The following RNF2 variants were observed in gnomAD, a reference collection of about 807,000 sequenced individuals.
RNF2 encodes ring finger protein 2.
A neutral mutation model predicts 37.2 loss-of-function variants in RNF2; 6 were observed. The observed-to-expected ratio is 0.16, with a 90% CI of 0.09 to 0.32. RNF2 has a LOEUF of 0.32. RNF2 is among the 10% of genes least tolerant of loss of function. The probability of loss-of-function intolerance (pLI) is 1.00; values close to 1 mark genes in which losing one functional copy is unlikely to be tolerated. For missense variants in RNF2, 251 were observed against 404.0 expected, an observed-to-expected ratio of 0.62 and a Z score of 3.25; for synonymous variants, 133 against 132.7, an observed-to-expected ratio of 1.00 and a Z score of -0.02.
At chr1:185,076,153 GATTTTGTATGCAGGATTTAAA>G (rs1004734654) in intron 1 of RNF2, among the ~76,000 whole-genome samples, 2 of 149,650 alleles carry the variant, frequency 1.3e-5, no homozygotes, top group African/African-American at 4.9e-5. Context: ...GTCTCTAGTT[GATTTTGTATGCAGGATTTAAA>G]ATTTTGTGAG....
At chr1:185,061,632 TGGG>T (rs1041015674) in intron 1 of RNF2, among the ~76,000 whole-genome samples, 1 of 152,160 alleles carries the variant, frequency 6.6e-6, no homozygotes, top group Non-Finnish European at 1.5e-5. Flanking sequence ...AGCTATGACT[TGGG>T]GGAAGCTAGA....
intron 3 of RNF2, 31 bp downstream of exon 3, chr1:185,091,770 C>A (rs758338389): frequency 1.0e-5 from 16 of 1,556,410 alleles, no homozygotes; most frequent in Non-Finnish European, 1.4e-5. Context: ...ATACTAGGTA[C>A]TTAATTGTAC....
chr1:185,075,283 T>C (rs1247561788), intron 1 of RNF2, among the ~76,000 whole-genome samples: 1 of 152,174 alleles, frequency 6.6e-6, no homozygotes, highest in Non-Finnish European at 1.5e-5. Flanking sequence ...CATGAGCTAC[T>C]GTATTGTGTA....
At chr1:185,083,332 A>G (rs1651484145) in intron 1 of RNF2, among the ~76,000 whole-genome samples, 1 of 152,128 alleles carries the variant, frequency 6.6e-6, no homozygotes, top group Admixed American at 6.5e-5. Context: ...CATGTTGGAG[A>G]TTGTCCAAAT....
chr1:185,061,035 T>G (rs1329967180), intron 1 of RNF2, among the ~76,000 whole-genome samples: 1 of 152,020 alleles, frequency 6.6e-6, no homozygotes, highest in Admixed American at 6.5e-5. Context: ...GAGGATCGCT[T>G]GAGCCTAGGA....
chr1:185,093,187 G>C lies in RNF2; in HGVS notation c.375G>C (p.Glu125Asp). Residue 125 changes from glutamate to aspartate, a missense_variant, in exon 4 of 7, where the codon GAG (glutamate) becomes GAC (aspartate). Around this residue, in one of 7 missense-constraint regions of RNF2, gnomAD observed 33 missense variants for 46.8 expected, o/e 0.71. Coordinates refer to ENST00000367510, the MANE Select transcript of RNF2 (RefSeq NM_007212.4). ...PSRDEYEAHQ[E>D]RVLARINKHN... ...GTGATGAGTATGAAGCTCATCAAGAGAGAGTATTAGCCAGGATCAACAAGC... is the reference window on the plus strand; with the variant it reads ...GTGATGAGTATGAAGCTCATCAAGACAGAGTATTAGCCAGGATCAACAAGC... 1 of 1,614,098 alleles carries C rather than the reference G, an allele frequency of 6.2e-7. No individual in the cohort carries two copies. The highest frequency in any genetic ancestry group is 8.5e-7 in the Non-Finnish European group (1 of 1,179,982).
intron 1 of RNF2, among the ~76,000 whole-genome samples, chr1:185,052,672 T>G (rs1448233660): frequency 6.6e-6 from 1 of 152,242 alleles, no homozygotes; most frequent in East Asian, 1.9e-4. Context: ...AAATGTTCAA[T>G]TTAAAATGGT....
chr1:185,090,489 A>G (rs1450140520), intron 2 of RNF2, among the ~76,000 whole-genome samples: 2 of 152,180 alleles, frequency 1.3e-5, no homozygotes, highest in African/African-American at 4.8e-5. Flanking sequence ...TTTTTATTTC[A>G]TATTTATATA....
At chr1:185,055,197 G>T (rs1417203949) in intron 1 of RNF2, among the ~76,000 whole-genome samples, 1 of 152,146 alleles carries the variant, frequency 6.6e-6, no homozygotes, top group Non-Finnish European at 1.5e-5. Context: ...TTGGATTTCA[G>T]ATTTATTTTT....
At chr1:185,082,146 C>G (rs1028419269) in intron 1 of RNF2, among the ~76,000 whole-genome samples, 9 of 152,028 alleles carry the variant, frequency 5.9e-5, no homozygotes, top group African/African-American at 2.2e-4. Flanking sequence ...CATGAGACAC[C>G]CACTTATCGA....
chr1:185,090,574 T>G (rs925360542), intron 2 of RNF2, among the ~76,000 whole-genome samples: 2 of 152,244 alleles, frequency 1.3e-5, no homozygotes, highest in Non-Finnish European at 2.9e-5. Context: ...TTCTATATTT[T>G]TCTTTGTGGA....
At chr1:185,053,814 C>T (rs181249162) in intron 1 of RNF2, among the ~76,000 whole-genome samples, 4 of 152,132 alleles carry the variant, frequency 2.6e-5, no homozygotes, top group African/African-American at 7.2e-5. Context: ...AGTATTAGGT[C>T]TTGTGTGCCT....
rs1263399748 is a variant in RNF2 at position 185,087,558 on chromosome 1, C to T, written c.5C>T (p.Ser2Phe). The T allele has an allele frequency of 1.2e-6, 2 of 1,613,846 alleles. No individual in the cohort carries two copies. Among genetic ancestry groups the T allele is most frequent in the African/African-American group, 2.7e-5 (2 of 74,916 alleles). Reference sequence around the variant, plus strand: ...CTCTCTTCTTTATTTCCAGCAATGTCTCAGGCTGTGCAGACAAACGGAACT... The same window carrying T: ...CTCTCTTCTTTATTTCCAGCAATGTTTCAGGCTGTGCAGACAAACGGAACT... M[S>F]QAVQTNGTQP... The change falls in exon 2 of 7, where the codon TCT becomes TTT. Residue 2 changes from serine (S) to phenylalanine (F), a missense_variant. By Grantham distance (155) the Ser-to-Phe change is radical. Coordinates refer to ENST00000367510, the MANE Select transcript of RNF2 (RefSeq NM_007212.4).
intron 1 of RNF2, among the ~76,000 whole-genome samples, chr1:185,058,413 A>C (rs1201264853): frequency 6.6e-6 from 1 of 152,124 alleles, no homozygotes; most frequent in Non-Finnish European, 1.5e-5. Context: ...TTTTTCTCCC[A>C]GAGGTGAGAG....
At position 185,091,035 on chromosome 1, in the gene RNF2, G is replaced by C. The variant is rs572198978; in HGVS notation, c.88-544G>C. Reference sequence around the variant, plus strand: ...GGAAAAGAATTTTCGGGGTTCAAAAGTATTTTAAAATGAAATTCTATTAAG... The same window carrying C: ...GGAAAAGAATTTTCGGGGTTCAAAACTATTTTAAAATGAAATTCTATTAAG... On this transcript the variant is annotated intron_variant, in intron 2 of 6. Coordinates refer to ENST00000367510, the MANE Select transcript of RNF2 (RefSeq NM_007212.4). 2.0e-5 allele frequency among the ~76,000 whole-genome samples: 3 copies of C among 152,284 alleles called. No individual in the cohort carries two copies. The South Asian group carries it at 6.2e-4, about 32-fold the overall frequency.
At chr1:185,054,552 G>T (rs920554157) in intron 1 of RNF2, among the ~76,000 whole-genome samples, 5 of 152,170 alleles carry the variant, frequency 3.3e-5, no homozygotes, top group African/African-American at 1.2e-4. Flanking sequence ...TCCTGAGAGC[G>T]GGTTCCTCAG....
At chr1:185,053,459 T>G (rs756494040) in intron 1 of RNF2, among the ~76,000 whole-genome samples, 4 of 152,026 alleles carry the variant, frequency 2.6e-5, no homozygotes, top group Non-Finnish European at 4.4e-5. Flanking sequence ...CTCAGCCGCC[T>G]TTGTAGCTGA....
chr1:185,079,803 C>T (rs1218847414), intron 1 of RNF2, among the ~76,000 whole-genome samples: 2 of 152,096 alleles, frequency 1.3e-5, no homozygotes, highest in African/African-American at 4.8e-5. Flanking sequence ...GTGCTGGGCG[C>T]CTTGTAGTCC....
In RNF2 at chr1:185,082,525, T is replaced by G. The variant is rs1003597015; in HGVS notation, c.-2-5027T>G. On this transcript the variant is annotated intron_variant, in intron 1 of 6. Transcript: ENST00000367510. ...CCACCATACCTGGCTAATTTTTTTA[T>G]TTTTTTTTTAGTAGAGACAGGGTTT... Among the ~76,000 whole-genome samples, 15 of 116,500 alleles carry G rather than the reference T, an allele frequency of 1.3e-4. No individual in the cohort carries two copies. The East Asian group carries it at 5.1e-3, about 39-fold the overall frequency. 76.4% of individuals were successfully genotyped at this position (116,500 alleles called of 152,430 possible).
Sources: gnomAD v4.1 joint callset for allele counts (sites outside exome capture counted in the v4.1 genomes callset) on GRCh38, gnomAD v4.1.1 for gene constraint, gnomAD v4.1.1 regional missense constraint, MANE v1.5 for transcripts, NCBI Gene and HGNC (gene_info 2026-07-23, HGNC 2026-07-21) for gene names.